The following MTERF4 variants were observed in gnomAD, a reference collection of about 807,000 sequenced individuals.
MTERF4 encodes mitochondrial transcription termination factor 4.
Under a neutral mutation model 22.5 loss-of-function variants are expected in MTERF4, and 17 were observed. That is an observed-to-expected ratio of 0.75 (90% CI 0.52 to 1.13). MTERF4 has a LOEUF of 1.13. Ranked by LOEUF, MTERF4 falls within the 50% of genes most tolerant of loss-of-function variation. MTERF4 has a pLI of 0.00. For synonymous variants in MTERF4, 165 were observed against 175.3 expected, an observed-to-expected ratio of 0.94 and a Z score of 0.47; for missense variants, 420 against 466.8, an observed-to-expected ratio of 0.90 and a Z score of 0.92.
At chr2:241,052,442 G>A in the MTERF4 span, 1 of 1,610,132 alleles carries the variant, frequency 6.2e-7, no homozygotes, top group Non-Finnish European at 8.5e-7. Flanking sequence ...TGCCAAGCAG[G>A]GTACATGGGA....
exon 5 of MTERF4, chr2:241,072,739 G>A (rs926689528): frequency 5.1e-6 from 1 of 195,994 alleles, no homozygotes; most frequent in East Asian, 1.4e-4. Flanking sequence ...GGTGAGATCT[G>A]GAGTACAGAG....
the MTERF4 span, chr2:241,062,974 C>T: frequency 7.9e-6 from 8 of 1,007,954 alleles, no homozygotes; most frequent in Non-Finnish European, 1.1e-5. Flanking sequence ...GGCACTGGGT[C>T]CCCCGGACAG....
At chr2:241,049,676 G>T in the MTERF4 span, 1 of 633,568 alleles carries the variant, frequency 1.6e-6, no homozygotes, top group East Asian at 2.7e-5. Context: ...GAATCAAGAT[G>T]CCCACAGAGT....
At position 241,096,681 on chromosome 2, in the gene MTERF4, G is replaced by T; in HGVS notation, c.706-243C>A. 1 of 680,860 alleles carries T rather than the reference G, an allele frequency of 1.5e-6. No homozygotes were observed. Among genetic ancestry groups the T allele is most frequent in the Non-Finnish European group, 2.8e-6 (1 of 362,704 alleles). The allele number at this position is 680,860 out of a possible 1,614,324, so 42.2% of individuals were successfully genotyped here. ...GGGTGGGAGGGAAAAGGGGCAGGAG[G>T]GAGAAGGGGCAGAAGGAAGAGGTGG... is the stretch of plus-strand genomic sequence containing the variant. On this transcript the variant is annotated intron_variant, in intron 3 of 3. Transcript: ENST00000391980. The surrounding 1 kb of genome is among the most constrained non-coding windows in gnomAD (Gnocchi z 5.1).
the MTERF4 span, among the ~76,000 whole-genome samples, chr2:241,047,146 CAA>C: frequency 0.12 from 7,868 of 67,820 alleles, 480 homozygotes; most frequent in African/African-American, 0.29. Flanking sequence ...GAGACTCTGT[CAA>C]AAAAAAAAAA....
downstream of MTERF4, chr2:241,068,027 C>T: frequency 7.5e-7 from 1 of 1,330,092 alleles, no homozygotes; most frequent in Non-Finnish European, 1.0e-6. The surrounding 1 kb of genome is among the most constrained non-coding windows in gnomAD (Gnocchi z 5.3). Flanking sequence ...AGGTCTCGGG[C>T]ACATTCTCCG....
At chr2:241,064,030 C>G in the MTERF4 span, 1 of 1,557,130 alleles carries the variant, frequency 6.4e-7, no homozygotes, top group African/African-American at 1.4e-5. This position sits in a 1 kb window ranked among gnomAD's most constrained non-coding sequence, Gnocchi z 7.0. Context: ...GCCTGCGACT[C>G]CAGCCCCTGC....
chr2:241,052,053 C>A, the MTERF4 span: 1 of 1,613,758 alleles, frequency 6.2e-7, no homozygotes, highest in Non-Finnish European at 8.5e-7. Flanking sequence ...AAGCCAGACT[C>A]GTGTGCCTCT....
chr2:241,088,324 A>G, downstream of MTERF4: 1 of 1,430,856 alleles, frequency 7.0e-7, no homozygotes, highest in Non-Finnish European at 9.9e-7. Flanking sequence ...CAAGGTACAC[A>G]GTCTCTTTTT....
At chr2:241,059,252 A>G in the MTERF4 span, among the ~76,000 whole-genome samples, 1 of 152,214 alleles carries the variant, frequency 6.6e-6, no homozygotes, top group African/African-American at 2.4e-5. Context: ...TGTAATTAAA[A>G]ACCTTCCTCA....
chr2:241,076,096 T>A (rs897647856), intron 4 of MTERF4, among the ~76,000 whole-genome samples: 1 of 152,220 alleles, frequency 6.6e-6, no homozygotes, highest in African/African-American at 2.4e-5. Context: ...TTACTCTTCA[T>A]CTTCAGAAGT....
At chr2:241,088,567 G>A (rs2063704426), downstream of MTERF4, 1 of 631,512 alleles carries the variant, frequency 1.6e-6, no homozygotes, top group Non-Finnish European at 2.8e-6. Flanking sequence ...GGAAGGTTCA[G>A]AAGTCCCCAA....
At chr2:241,064,912 A>G in the MTERF4 span, 2 of 1,586,628 alleles carry the variant, frequency 1.3e-6, no homozygotes, top group Non-Finnish European at 8.5e-7. The surrounding 1 kb of genome is among the most constrained non-coding windows in gnomAD (Gnocchi z 7.0). Context: ...CGGCTCCCAC[A>G]GCTGCACCTG....
chr2:241,060,004 A>G, the MTERF4 span, among the ~76,000 whole-genome samples: 1 of 152,208 alleles, frequency 6.6e-6, no homozygotes. Context: ...ATTCTACAAA[A>G]GAAGCTATAG....
chr2:241,079,569 A>T (rs2063228807), intron 4 of MTERF4, among the ~76,000 whole-genome samples: 1 of 152,208 alleles, frequency 6.6e-6, no homozygotes, highest in African/African-American at 2.4e-5. Flanking sequence ...AGAACTGCAT[A>T]ATGGGACTGG....
downstream of MTERF4, chr2:241,069,906 C>T: frequency 6.2e-7 from 1 of 1,609,964 alleles, no homozygotes; most frequent in Non-Finnish European, 8.5e-7. The surrounding 1 kb of genome is among the most constrained non-coding windows in gnomAD (Gnocchi z 4.9). Flanking sequence ...TCTCCCTGCT[C>T]CTGCCTCATC....
At chr2:241,101,170 G>A (rs1234131238) in intron 1 of MTERF4, 1 of 466,308 alleles carries the variant, frequency 2.1e-6, no homozygotes, top group Non-Finnish European at 4.5e-6. Flanking sequence ...TCACCATAAT[G>A]TAGAATCACT....
downstream of MTERF4, chr2:241,088,392 G>A (rs1350295908): frequency 3.7e-6 from 6 of 1,612,350 alleles, no homozygotes; most frequent in South Asian, 2.2e-5. Flanking sequence ...AGACACTGGA[G>A]AAATCTTAAG....
chr2:241,067,647 C>T, downstream of MTERF4: 1 of 783,086 alleles, frequency 1.3e-6, no homozygotes, highest in East Asian at 2.7e-5. Context: ...GGGACACCCT[C>T]TCCAGTGCCT....
Sources: allele counts gnomAD v4.1 joint callset (sites outside exome capture counted in the v4.1 genomes callset), GRCh38; gene constraint gnomAD v4.1.1; non-coding constraint Gnocchi (gnomAD v3.1); transcripts MANE v1.5; gene names NCBI Gene and HGNC (gene_info 2026-07-23, HGNC 2026-07-21).